The following PHACTR3 variants were observed in gnomAD, a reference collection of about 807,000 sequenced individuals.
PHACTR3 encodes the protein phosphatase and actin regulator 3.
A neutral mutation model predicts 66.8 loss-of-function variants in PHACTR3; 16 were observed. The ratio of observed to expected loss-of-function variants is 0.24; its 90% CI spans 0.16 to 0.36. The LOEUF (loss-of-function observed/expected upper bound fraction) is 0.36, where lower values mean the gene tolerates loss of function less well. PHACTR3 is among the 10% of genes least tolerant of loss of function. The probability of loss-of-function intolerance (pLI) is 1.00; values close to 1 mark genes in which losing one functional copy is unlikely to be tolerated. For synonymous variants in PHACTR3, 323 were observed against 292.1 expected (o/e 1.11, Z -1.08); for missense variants, 647 against 719.9 (o/e 0.90, Z 1.16).
At chr20:59,777,587 TCTATGACAACACTGAA>T (rs1253180584) in intron 7 of PHACTR3, among the ~76,000 whole-genome samples, 1 of 152,218 alleles carries the variant, frequency 6.6e-6, no homozygotes, top group African/African-American at 2.4e-5. Context: ...ATTGTTGGCT[TCTATGACAACACTGAA>T]CCTTCCTTCC....
At chr20:59,802,079 G>T (rs2041429477) in intron 7 of PHACTR3, among the ~76,000 whole-genome samples, 1 of 152,202 alleles carries the variant, frequency 6.6e-6, no homozygotes, top group Admixed American at 6.5e-5. Flanking sequence ...ACCACTCTGT[G>T]CTTCGACAGG....
intron 3 of PHACTR3, among the ~76,000 whole-genome samples, chr20:59,748,540 T>G (rs1029301431): frequency 1.4e-4 from 22 of 152,248 alleles, no homozygotes; most frequent in Admixed American, 1.3e-4. Flanking sequence ...ACTCATGCAA[T>G]TAACTGAACA....
chr20:59,585,020 TA>T (rs2032979894), intron 1 of PHACTR3, among the ~76,000 whole-genome samples: 1 of 152,138 alleles, frequency 6.6e-6, no homozygotes, highest in Admixed American at 6.5e-5. Flanking sequence ...ATATACATAT[TA>T]GGGGGAGTAC....
At chr20:59,776,277 C>T (rs1381197738) in intron 7 of PHACTR3, among the ~76,000 whole-genome samples, 2 of 152,184 alleles carry the variant, frequency 1.3e-5, no homozygotes, top group Non-Finnish European at 2.9e-5. Context: ...CATCATAGTC[C>T]TTATTTTACA....
At chr20:59,754,532 G>T (rs1296474992) in intron 3 of PHACTR3, among the ~76,000 whole-genome samples, 1 of 152,224 alleles carries the variant, frequency 6.6e-6, no homozygotes, top group Non-Finnish European at 1.5e-5. Flanking sequence ...TGCCAGACAC[G>T]TAGCCGGTGA....
intron 7 of PHACTR3, among the ~76,000 whole-genome samples, chr20:59,774,713 G>A (rs915830374): frequency 5.9e-5 from 9 of 151,832 alleles, no homozygotes; most frequent in African/African-American, 1.2e-4. Flanking sequence ...AAAATACCCC[G>A]GTGAAATTGT....
intron 1 of PHACTR3, chr20:59,626,772 C>T (rs900102981): frequency 2.0e-5 from 3 of 152,296 alleles, no homozygotes; most frequent in African/African-American, 7.2e-5. Flanking sequence ...GTCATTTAGT[C>T]AGAGATGCTG....
intron 1 of PHACTR3, among the ~76,000 whole-genome samples, chr20:59,632,911 G>A (rs998366025): frequency 6.6e-6 from 1 of 152,224 alleles, no homozygotes; most frequent in African/African-American, 2.4e-5. Flanking sequence ...GCTTCAAAGT[G>A]GAGTATCATG....
chr20:59,825,470 A>G (rs1174592409), intron 8 of PHACTR3, among the ~76,000 whole-genome samples: 1 of 152,154 alleles, frequency 6.6e-6, no homozygotes, highest in East Asian at 1.9e-4. Flanking sequence ...TCACTCATTC[A>G]TTGGTCACTT....
intron 3 of PHACTR3, among the ~76,000 whole-genome samples, chr20:59,748,310 A>G (rs1278756588): frequency 6.6e-6 from 1 of 151,968 alleles, no homozygotes; most frequent in Non-Finnish European, 1.5e-5. Flanking sequence ...GCCCTGTCTC[A>G]TTGGTCTTCC....
chr20:59,831,043 T>C (rs1340398422), intron 8 of PHACTR3, among the ~76,000 whole-genome samples: 1 of 152,084 alleles, frequency 6.6e-6, no homozygotes, highest in Admixed American at 6.5e-5. Flanking sequence ...TGTCCCCTGC[T>C]CCCTGTCTCC....
chr20:59,589,341 A>C (rs1160836024), intron 1 of PHACTR3, among the ~76,000 whole-genome samples: 1 of 152,230 alleles, frequency 6.6e-6, no homozygotes, highest in African/African-American at 2.4e-5. Flanking sequence ...CAGTGTGCGC[A>C]TGGGTTTTAA....
At chr20:59,650,484 AAAC>A (rs370002268) in intron 1 of PHACTR3, among the ~76,000 whole-genome samples, 6 of 152,280 alleles carry the variant, frequency 3.9e-5, no homozygotes, top group African/African-American at 1.4e-4. Flanking sequence ...ATACAAATTA[AAAC>A]AATGAACTAC....
intron 1 of PHACTR3, among the ~76,000 whole-genome samples, chr20:59,673,810 C>T (rs1313981055): frequency 6.6e-6 from 1 of 152,120 alleles, no homozygotes; most frequent in Non-Finnish European, 1.5e-5. Flanking sequence ...TACACCCCTC[C>T]CAAATGTGTC....
chr20:59,641,199 A>G (rs2035088400), intron 1 of PHACTR3, among the ~76,000 whole-genome samples: 1 of 152,112 alleles, frequency 6.6e-6, no homozygotes, highest in Non-Finnish European at 1.5e-5. Flanking sequence ...TATCGTATCT[A>G]TCATCTATCC....
In PHACTR3 at chr20:59,830,147, G is replaced by A. The variant is rs1012349841; in HGVS notation, c.1329-6358G>A. ...CTGATGAAAGAGGCTATGACAGACA[G>A]GAGCATGTGCGTGTCTGGTGGAAGA... On this transcript the variant is annotated intron_variant, in intron 8 of 12. Coordinates refer to ENST00000371015, the MANE Select transcript of PHACTR3 (RefSeq NM_080672.5). This position sits in a 1 kb window ranked among gnomAD's most constrained non-coding sequence, Gnocchi z 5.8. Among the ~76,000 whole-genome samples the A allele has an allele frequency of 7.1e-6, 1 of 141,200 alleles. No individual in the cohort carries two copies. The highest frequency in any genetic ancestry group is 3.0e-5 in the African/African-American group (1 of 33,236). 92.6% of individuals were successfully genotyped at this position (141,200 alleles called of 152,430 possible).
At chr20:59,617,997 C>A (rs1279559629) in intron 1 of PHACTR3, among the ~76,000 whole-genome samples, 1 of 152,182 alleles carries the variant, frequency 6.6e-6, no homozygotes, top group Admixed American at 6.5e-5. Context: ...GGGGAGGCTG[C>A]CCTGGAGCCC....
intron 1 of PHACTR3, among the ~76,000 whole-genome samples, chr20:59,606,309 C>T (rs888132442): frequency 3.4e-4 from 52 of 151,864 alleles, no homozygotes; most frequent in East Asian, 1.9e-4. Context: ...TCCCTCCCCC[C>T]CCCATTTGAA....
chr20:59,580,155 G>A (rs1397149421), intron 1 of PHACTR3, among the ~76,000 whole-genome samples: 1 of 152,060 alleles, frequency 6.6e-6, no homozygotes, highest in Admixed American at 6.5e-5. Context: ...AGTGTGGCTG[G>A]GTTTCTTGGT....
Sources: gnomAD v4.1 joint callset for allele counts (sites outside exome capture counted in the v4.1 genomes callset) on GRCh38, gnomAD v4.1.1 for gene constraint, Gnocchi (gnomAD v3.1) non-coding constraint, MANE v1.5 for transcripts, NCBI Gene and HGNC (gene_info 2026-07-23, HGNC 2026-07-21) for gene names.